Variants in CSMD3 observed in about 807,000 individuals in gnomAD.
CSMD3 encodes CUB and Sushi multiple domains 3.
CSMD3 carries 177 observed loss-of-function variants against 435.2 expected under a neutral mutation model. The ratio of observed to expected loss-of-function variants is 0.41; its 90% confidence interval spans 0.36 to 0.46. The LOEUF is 0.46. Among genes scored for constraint, CSMD3 ranks in the 20% least tolerant of loss-of-function variants. The pLI is 0.34. For missense variants in CSMD3, 4,265 were observed against 4,504.6 expected, an observed-to-expected ratio of 0.95 and a Z score of 1.52; for synonymous variants, 1,656 against 1,520.5, an observed-to-expected ratio of 1.09 and a Z score of -2.07.
At chr8:112,519,920 G>C (rs1294727483) in intron 27 of CSMD3, among the ~76,000 whole-genome samples, 2 of 152,010 alleles carry the variant, frequency 1.3e-5, no homozygotes, top group Non-Finnish European at 2.9e-5. Context: ...TCAACGATAT[G>C]GTTATTTAAA....
At chr8:113,056,677 C>T (rs941995376) in intron 5 of CSMD3, among the ~76,000 whole-genome samples, 1 of 152,176 alleles carries the variant, frequency 6.6e-6, no homozygotes, top group Non-Finnish European at 1.5e-5. Flanking sequence ...TTCCAAAATG[C>T]ATCTGATTTT....
At chr8:112,565,783 G>A (rs935205431) in intron 24 of CSMD3, among the ~76,000 whole-genome samples, 2 of 151,992 alleles carry the variant, frequency 1.3e-5, no homozygotes, top group Admixed American at 1.3e-4. Flanking sequence ...TGTAATAGAT[G>A]GCTGTTAAAA....
chr8:112,272,913 AGTAAC>A (rs1817663554), intron 59 of CSMD3, among the ~76,000 whole-genome samples: 1 of 152,152 alleles, frequency 6.6e-6, no homozygotes, highest in African/African-American at 2.4e-5. Context: ...ATGGGGTGTT[AGTAAC>A]TTTTTGCCTA....
Position 112,476,517 on chromosome 8 carries a change from A to G in CSMD3, c.5279-3810T>C, listed in dbSNP as rs548996844. Among the ~76,000 whole-genome samples the G allele has an allele frequency of 1.2e-4, 18 of 152,274 alleles. No individual in the cohort carries two copies. In the South Asian group the frequency reaches 3.1e-3, roughly 26 times the overall value. ...ATTTGACCATGAAAAATTTTTTTAC[A>G]TGTAATATCTCACAGGACCTGCCTC... On this transcript the variant is annotated intron_variant, in intron 31 of 70. Coordinates refer to ENST00000297405, the MANE Select transcript of CSMD3 (RefSeq NM_198123.2).
chr8:113,284,910 T>C (rs2093635478), intron 2 of CSMD3, among the ~76,000 whole-genome samples: 1 of 152,192 alleles, frequency 6.6e-6, no homozygotes, highest in Admixed American at 6.5e-5. Flanking sequence ...TTTCTTTGAC[T>C]CACAGTTGAA....
intron 13 of CSMD3, among the ~76,000 whole-genome samples, chr8:112,703,761 C>T (rs1271022351): frequency 6.6e-6 from 1 of 152,016 alleles, no homozygotes; most frequent in Non-Finnish European, 1.5e-5. Context: ...TAGAATCATG[C>T]AGCTAGAAAA....
chr8:112,988,787 T>C (rs2085344618), intron 6 of CSMD3, among the ~76,000 whole-genome samples: 1 of 152,022 alleles, frequency 6.6e-6, no homozygotes, highest in African/African-American at 2.4e-5. Context: ...AGGCATCCAT[T>C]AGTACTCAGC....
Position 113,351,343 on chromosome 8 carries a change from T to C in CSMD3, c.179-36550A>G, listed in dbSNP as rs1328449914. 2.6e-5 allele frequency among the ~76,000 whole-genome samples: 4 copies of C among 152,234 alleles called. No individual in the cohort carries two copies. The East Asian group carries it at 7.7e-4, about 29-fold the overall frequency. ...AAAACCCCAAACAGTTAAATGAATA[T>C]ATCTTGGAAAAAGGCAAAGCGATTA... is the stretch of plus-strand genomic sequence containing the variant. On this transcript the variant is annotated intron_variant, in intron 1 of 70. Transcript: ENST00000297405.
intron 6 of CSMD3, among the ~76,000 whole-genome samples, chr8:112,982,716 T>G (rs1215532873): frequency 6.6e-6 from 1 of 151,962 alleles, no homozygotes; most frequent in Non-Finnish European, 1.5e-5. Context: ...AGAGGCCTTA[T>G]CCCCTATTTC....
At position 112,254,268 on chromosome 8, in the gene CSMD3, A is replaced by G. The variant is rs1212482874; in HGVS notation, c.10095T>C (p.Asn3365=). 20 of 1,612,062 alleles carry G rather than the reference A, an allele frequency of 1.2e-5. No homozygotes were observed. The highest frequency in any genetic ancestry group is 1.7e-5 in the Non-Finnish European group (20 of 1,178,472). The change falls in exon 63 of 71, where the codon AAT becomes AAC. Residue 3365 remains asparagine (N), a synonymous_variant. Transcript: ENST00000297405. The part of the protein sequence containing the change: ...PGVPRHGSQN[N]TFGFQVGSVV... ...AAGTACCCACTTGAAATCCGAATGTATTGTTCTGAGATCCATGCCGAGGCA... is the reference window on the plus strand; with the variant it reads ...AAGTACCCACTTGAAATCCGAATGTGTTGTTCTGAGATCCATGCCGAGGCA...
chr8:112,921,461 AT>A (rs2082740960), intron 10 of CSMD3, among the ~76,000 whole-genome samples, 165 bp downstream of exon 10: 1 of 152,078 alleles, frequency 6.6e-6, no homozygotes, highest in Non-Finnish European at 1.5e-5. Flanking sequence ...AACCTAATAG[AT>A]TGATTCACAT....
chr8:113,325,246 G>C (rs1183464682), intron 1 of CSMD3, among the ~76,000 whole-genome samples: 1 of 152,070 alleles, frequency 6.6e-6, no homozygotes, highest in East Asian at 1.9e-4. Context: ...GGGGCCAGGG[G>C]CAGAAAAATA....
At chr8:112,299,929 A>G (rs1820745476) in intron 53 of CSMD3, among the ~76,000 whole-genome samples, 1 of 151,762 alleles carries the variant, frequency 6.6e-6, no homozygotes, top group Admixed American at 6.6e-5. Context: ...TCCAGAGAAC[A>G]GAATCAAGAT....
intron 13 of CSMD3, among the ~76,000 whole-genome samples, chr8:112,794,796 C>A (rs2078786687): frequency 2.0e-5 from 3 of 151,832 alleles, no homozygotes; most frequent in South Asian, 4.2e-4. Flanking sequence ...AATTAACGTA[C>A]CCATAAGTAA....
intron 36 of CSMD3, among the ~76,000 whole-genome samples, chr8:112,386,659 G>C (rs1054631180): frequency 2.2e-4 from 33 of 151,930 alleles, no homozygotes; most frequent in African/African-American, 6.5e-4. Context: ...CACCACGCCC[G>C]GCTAATTTTT....
At chr8:112,758,109 C>T (rs1303604824) in intron 13 of CSMD3, among the ~76,000 whole-genome samples, 1 of 152,050 alleles carries the variant, frequency 6.6e-6, no homozygotes, top group Non-Finnish European at 1.5e-5. Flanking sequence ...AATCCCAGCA[C>T]TTTGGGAGCC....
intron 30 of CSMD3, among the ~76,000 whole-genome samples, chr8:112,497,545 A>G (rs1256304433): frequency 6.6e-6 from 1 of 151,314 alleles, no homozygotes; most frequent in East Asian, 1.9e-4. Context: ...TAAAAAGGAA[A>G]AAGACCACTA....
intron 13 of CSMD3, among the ~76,000 whole-genome samples, chr8:112,787,396 CTA>C (rs2078573050): frequency 1.3e-5 from 2 of 152,034 alleles, no homozygotes; most frequent in South Asian, 2.1e-4. Flanking sequence ...TAAATTATTA[CTA>C]TGGAGAACAG....
At chr8:112,319,543 CCATT>C in intron 46 of CSMD3, among the ~76,000 whole-genome samples, 1 of 152,034 alleles carries the variant, frequency 6.6e-6, no homozygotes, top group East Asian at 1.9e-4. Context: ...GGCCTACAAA[CCATT>C]CATTCTGCCA....
Sources: allele counts gnomAD v4.1 joint callset (sites outside exome capture counted in the v4.1 genomes callset), GRCh38; gene constraint gnomAD v4.1.1; transcripts MANE v1.5; gene names NCBI Gene and HGNC (gene_info 2026-07-23, HGNC 2026-07-21).